Variants in KRT72 observed in about 807,000 individuals in gnomAD.
KRT72 encodes keratin 72.
Under a neutral mutation model 44.7 loss-of-function variants are expected in KRT72, and 44 were observed. The observed-to-expected ratio is 0.98, with a 90% CI of 0.77 to 1.27. The LOEUF (loss-of-function observed/expected upper bound fraction) is 1.27, where lower values mean the gene tolerates loss of function less well. Among genes scored for constraint, KRT72 ranks in the 50% most tolerant of loss-of-function variants. The probability of loss-of-function intolerance (pLI) is 0.00; values close to 1 mark genes in which losing one functional copy is unlikely to be tolerated. For synonymous variants in KRT72, 302 were observed against 280.4 expected, an observed-to-expected ratio of 1.08 and a Z score of -0.77; for missense variants, 736 against 667.1, an observed-to-expected ratio of 1.10 and a Z score of -1.14.
Position 52,590,857 on chromosome 12 carries a change from C to G in KRT72, c.1068G>C (p.Glu356Asp). The change falls in exon 6 of 9, where the codon GAG becomes GAC. Residue 356 changes from glutamate to aspartate, a missense_variant. Physicochemically the swap from Glu to Asp is conservative, Grantham distance 45. Transcript: ENST00000293745. ...CCACCTGCTTCTTCACATTCCCTAT[C>G]TCTGAGCGGATCCTCTGGATCAGGC... ...LNRLIQRIRS[E>D]IGNVKKQCAD... The G allele has an allele frequency of 6.3e-7, 1 of 1,591,272 alleles. No individual in the cohort carries two copies. Among genetic ancestry groups the G allele is most frequent in the Non-Finnish European group, 8.6e-7 (1 of 1,163,468 alleles).
chr12:52,601,118 A>T lies in KRT72; in HGVS notation c.335T>A (p.Val112Glu), dbSNP rs1940428210. ...CCTCTGGATCTCGGGGTCCATCTCC[A>T]CGTTGAGCGGGGCCAGGAGGCTCTT... ...VNKSLLAPLNVEMDPEIQRVR... is the reference protein window; with the variant it reads ...VNKSLLAPLNEEMDPEIQRVR... Residue 112 changes from valine (V) to glutamate (E), a missense_variant, in exon 1 of 9, where the codon GTG (valine) becomes GAG (glutamate). Val to Glu is a moderately radical substitution (Grantham distance 121, BLOSUM62 -2). Coordinates refer to ENST00000293745, the MANE Select transcript of KRT72 (RefSeq NM_080747.3). 5.6e-6 allele frequency: 9 copies of T among 1,612,726 alleles called. No individual in the cohort carries two copies. The highest frequency in any genetic ancestry group is 6.8e-6 in the Non-Finnish European group (8 of 1,179,558).
intron 8 of KRT72, 140 bp downstream of exon 8, chr12:52,586,806 C>T (rs1345495811): frequency 1.4e-5 from 11 of 787,230 alleles, no homozygotes; most frequent in South Asian, 1.1e-4. Context: ...TTAGTTACTA[C>T]AGCCAGCTCC....
At chr12:52,590,144 C>T (rs1231955988) in intron 6 of KRT72, among the ~76,000 whole-genome samples, 2 of 152,140 alleles carry the variant, frequency 1.3e-5, no homozygotes, top group African/African-American at 4.8e-5. Context: ...AACTTGAGGA[C>T]TCATGGGTTT....
chr12:52,599,207 G>A, intron 1 of KRT72, 95 bp from the exon 2 acceptor site: 2 of 1,167,812 alleles, frequency 1.7e-6, no homozygotes, highest in Non-Finnish European at 2.5e-6. Flanking sequence ...GCCATCCTGG[G>A]GGACTGGGGG....
intron 1 of KRT72, among the ~76,000 whole-genome samples, chr12:52,600,245 C>A (rs1940373822): frequency 6.6e-6 from 1 of 152,158 alleles, no homozygotes; most frequent in East Asian, 1.9e-4. Flanking sequence ...ACACTTACCC[C>A]ACTCCTCAAG....
At chr12:52,588,912 G>A (rs1471122942) in intron 6 of KRT72, among the ~76,000 whole-genome samples, 1 of 151,998 alleles carries the variant, frequency 6.6e-6, no homozygotes, top group Non-Finnish European at 1.5e-5. Context: ...AGGCAGGAGA[G>A]TCACTTGAAC....
At chr12:52,602,201 A>G (rs117371754), upstream of KRT72, among the ~76,000 whole-genome samples, 17 of 152,338 alleles carry the variant, frequency 1.1e-4, no homozygotes, top group East Asian at 3.1e-3. Context: ...GGGAGGTGGT[A>G]CAGGAAGACT....
chr12:52,601,209 C>T lies in KRT72; in HGVS notation c.244G>A (p.Ala82Thr). Residue 82 changes from alanine to threonine, a missense_variant, in exon 1 of 9, where the codon GCC becomes ACC. Physicochemically the swap from Ala to Thr is moderately conservative, Grantham distance 58. Transcript: ENST00000293745. ...GGFVGTAFGS[A>T]GLGPKCPSVC... ...GAGGGACACTTGGGCCCCAGCCCGG[C>T]GCTGCCGAAGGCGGTGCCCACGAAG... 2.5e-6 allele frequency: 4 copies of T among 1,610,034 alleles called. No individual in the cohort carries two copies. Among genetic ancestry groups the T allele is most frequent in the Non-Finnish European group, 1.7e-6 (2 of 1,178,126 alleles).
chr12:52,586,844 GC>G, intron 8 of KRT72, 101 bp downstream of exon 8: 1 of 1,130,228 alleles, frequency 8.8e-7, no homozygotes, highest in Non-Finnish European at 1.4e-6. Flanking sequence ...TCTCCCCTGA[GC>G]CCCCTCTGTC....
At position 52,586,252 on chromosome 12, in the gene KRT72, C is replaced by T. The variant is rs989211821; in HGVS notation, c.1346-80G>A. 11 of 1,220,782 alleles carry T rather than the reference C, an allele frequency of 9.0e-6. No homozygotes were observed. The African/African-American group carries it at 1.7e-4, about 18-fold the overall frequency. The allele number at this position is 1,220,782 out of a possible 1,614,324, so 75.6% of individuals were successfully genotyped here. A position where few individuals can be genotyped will look rare whatever the true frequency, so the allele number is the denominator to read the frequency against. On this transcript the variant is annotated intron_variant, in intron 8 of 8. Transcript: ENST00000293745. ...GCCCCTTCTTGGGCATCTCGGGCCA[C>T]CTCCTTTACTCTCGCCCGCAGTGGC...
At chr12:52,586,436 G>T (rs1185960089) in intron 8 of KRT72, among the ~76,000 whole-genome samples, 2 of 152,204 alleles carry the variant, frequency 1.3e-5, no homozygotes, top group African/African-American at 4.8e-5. Flanking sequence ...ACCAAATGAA[G>T]AGAGGCACTT....
chr12:52,599,226 A>G (rs1341066647), intron 1 of KRT72, 114 bp from the exon 2 acceptor site: 5 of 945,972 alleles, frequency 5.3e-6, no homozygotes, highest in Non-Finnish European at 8.3e-6. Context: ...GGTAGGAGAA[A>G]ACAAGGCTTA....
chr12:52,598,998 T>C lies in KRT72; in HGVS notation c.541A>G (p.Ser181Gly), dbSNP rs757721520. The change falls in exon 2 of 9, where the codon AGC (serine) becomes GGC (glycine). Residue 181 changes from serine to glycine, a missense_variant. Physicochemically the swap from Ser to Gly is moderately conservative, Grantham distance 56. Transcript: ENST00000293745. ...ATCTCCAGCTGCTTCTGCAGGTTGC[T>C]GATGTAGCCCTCATAAATGGGCTCC... Reference protein sequence around the residue: ...NLEPIYEGYISNLQKQLEMLS... With the variant: ...NLEPIYEGYIGNLQKQLEMLS... 1 of 1,614,086 alleles carries C rather than the reference T, an allele frequency of 6.2e-7. No individual in the cohort carries two copies. The highest frequency in any genetic ancestry group is 8.5e-7 in the Non-Finnish European group (1 of 1,179,936).
chr12:52,595,518 A>G (rs1337599931), intron 2 of KRT72, among the ~76,000 whole-genome samples: 3 of 152,204 alleles, frequency 2.0e-5, no homozygotes, highest in Non-Finnish European at 4.4e-5. Flanking sequence ...TCTGATGAAA[A>G]GCAACTCATG....
At chr12:52,587,480 C>G in intron 7 of KRT72, 151 bp downstream of exon 7, 1 of 809,682 alleles carries the variant, frequency 1.2e-6, no homozygotes. Context: ...TTCTTGCTGT[C>G]TAACTTTGGC....
At chr12:52,602,386 C>T (rs576125982), upstream of KRT72, among the ~76,000 whole-genome samples, 14 of 152,312 alleles carry the variant, frequency 9.2e-5, no homozygotes, top group African/African-American at 2.9e-4. Context: ...AGGAAGAGGT[C>T]AAGACTCTTC....
At chr12:52,587,526 G>T in intron 7 of KRT72, 105 bp downstream of exon 7, 3 of 1,224,468 alleles carry the variant, frequency 2.5e-6, no homozygotes, top group Non-Finnish European at 3.6e-6. Context: ...TTGCTGTATG[G>T]TTTTACTTCA....
chr12:52,593,195 T>C (rs892511457), intron 2 of KRT72, among the ~76,000 whole-genome samples: 1 of 152,192 alleles, frequency 6.6e-6, no homozygotes, highest in Admixed American at 6.5e-5. Flanking sequence ...GCACCTGTGG[T>C]TGAGATGTCA....
At chr12:52,590,755 T>A (rs1007837400) in intron 6 of KRT72, 81 bp downstream of exon 6, 88 of 1,402,234 alleles carry the variant, frequency 6.3e-5, no homozygotes, top group Non-Finnish European at 7.9e-5. Flanking sequence ...GGGCACTGTG[T>A]TTTACCCTTT....
Sources: allele counts gnomAD v4.1 joint callset (sites outside exome capture counted in the v4.1 genomes callset), GRCh38; gene constraint gnomAD v4.1.1; transcripts MANE v1.5; gene names NCBI Gene and HGNC (gene_info 2026-07-23, HGNC 2026-07-21).